Variants in SPAG16 observed in about 807,000 individuals in gnomAD.
SPAG16 encodes the protein sperm associated antigen 16, also known as sperm-associated antigen 16 protein.
A neutral mutation model predicts 80.4 loss-of-function variants in SPAG16; 86 were observed. That is an observed-to-expected ratio of 1.07 (90% confidence interval 0.90 to 1.28). The LOEUF (loss-of-function observed/expected upper bound fraction) is 1.28. Ranked by LOEUF, SPAG16 falls within the 50% of genes most tolerant of loss-of-function variation. The pLI, the probability that SPAG16 is intolerant of heterozygous loss-of-function variation, is 0.00. For missense variants in SPAG16, 870 were observed against 765.3 expected, an observed-to-expected ratio of 1.14 and a Z score of -1.61; for synonymous variants, 294 against 265.9, an observed-to-expected ratio of 1.11 and a Z score of -1.03.
intron 11 of SPAG16, among the ~76,000 whole-genome samples, chr2:213,896,872 A>G (rs898941487): frequency 7.2e-5 from 11 of 152,008 alleles, no homozygotes; most frequent in African/African-American, 1.2e-4. Flanking sequence ...AGTGAATCTC[A>G]TAATTAAAGG....
At chr2:214,168,083 G>A (rs578184883) in intron 15 of SPAG16, among the ~76,000 whole-genome samples, 1 of 147,842 alleles carries the variant, frequency 6.8e-6, no homozygotes, top group East Asian at 2.0e-4. Flanking sequence ...TCCGTCTCCC[G>A]AGGTCAAAGG....
At chr2:213,826,507 A>T (rs1445253024) in intron 10 of SPAG16, among the ~76,000 whole-genome samples, 1 of 151,970 alleles carries the variant, frequency 6.6e-6, no homozygotes, top group East Asian at 1.9e-4. Flanking sequence ...CCCACTGATC[A>T]TTCAGGAGCA....
rs60352388 is a variant in SPAG16 at position 214,272,714 on chromosome 2, C to T, written c.1720+123448C>T. Among the ~76,000 whole-genome samples, 1,475 of 152,224 alleles carry T rather than the reference C, an allele frequency of 9.7e-3. 24 individuals are homozygous for T. The highest frequency in any genetic ancestry group is 0.033 in the African/African-American group (1,377 of 41,510). ...CACTGATGGATAGTTGGGTTGGTTC[C>T]AAGTCTTTGCTATCGTGAATAGTGC... is the stretch of plus-strand genomic sequence containing the variant. On this transcript the variant is annotated intron_variant, in intron 15 of 15. Coordinates refer to ENST00000331683, the MANE Select transcript of SPAG16 (RefSeq NM_024532.5).
intron 10 of SPAG16, among the ~76,000 whole-genome samples, chr2:213,612,417 T>G (rs2061466569): frequency 6.6e-6 from 1 of 152,218 alleles, no homozygotes; most frequent in Non-Finnish European, 1.5e-5. Flanking sequence ...ATATTTCTCT[T>G]GAGCCAAGAC....
intron 13 of SPAG16, among the ~76,000 whole-genome samples, chr2:214,045,799 A>T (rs756352880): frequency 2.7e-4 from 41 of 152,210 alleles, no homozygotes; most frequent in Admixed American, 2.4e-3. Context: ...GTTCTTAAAG[A>T]ATTAGAAAAG....
At chr2:213,755,690 CAG>C (rs1258603852) in intron 10 of SPAG16, among the ~76,000 whole-genome samples, 5 of 151,974 alleles carry the variant, frequency 3.3e-5, no homozygotes, top group Non-Finnish European at 5.9e-5. Flanking sequence ...AAAAAGCAAA[CAG>C]AAATTTCAAG....
intron 13 of SPAG16, among the ~76,000 whole-genome samples, chr2:214,103,211 G>A (rs72937967): frequency 0.15 from 22,242 of 152,054 alleles, 1,765 homozygotes; most frequent in Admixed American, 0.18. Context: ...GTTCACAAGC[G>A]TGGACCATCA....
chr2:213,317,243 G>GA lies in SPAG16; in HGVS notation c.424dup (p.Thr142AsnfsTer2). Reference sequence around the variant, plus strand: ...GGTATGAGTTAATACAGAAAGGAGTGACTGAACTTAGAACTGTTGGGAATG... The same window carrying GA: ...GGTATGAGTTAATACAGAAAGGAGTGAACTGAACTTAGAACTGTTGGGAATG... On this transcript the variant is annotated frameshift_variant, in exon 5 of 16. Coordinates refer to ENST00000331683, the MANE Select transcript of SPAG16 (RefSeq NM_024532.5). LOFTEE classifies it high-confidence loss of function. The GA allele has an allele frequency of 6.2e-7, 1 of 1,603,090 alleles. No individual in the cohort carries two copies. Among genetic ancestry groups the GA allele is most frequent in the Non-Finnish European group, 8.5e-7 (1 of 1,174,164 alleles).
chr2:214,376,648 C>G, intron 15 of SPAG16, among the ~76,000 whole-genome samples: 1 of 152,156 alleles, frequency 6.6e-6, no homozygotes, highest in East Asian at 1.9e-4. Context: ...CCTAACCAAG[C>G]ATTTAGGGTG....
chr2:213,632,104 A>G (rs928442377), intron 10 of SPAG16, among the ~76,000 whole-genome samples: 6 of 152,064 alleles, frequency 3.9e-5, no homozygotes, highest in Admixed American at 6.5e-5. Context: ...TGATTCTTCT[A>G]ATCTATCAAC....
intron 10 of SPAG16, among the ~76,000 whole-genome samples, chr2:213,716,229 A>C (rs1238150420): frequency 6.6e-6 from 1 of 152,170 alleles, no homozygotes; most frequent in Non-Finnish European, 1.5e-5. Context: ...ATTTGCTGCA[A>C]AACTCTACTC....
intron 15 of SPAG16, among the ~76,000 whole-genome samples, chr2:214,283,966 A>G (rs2125918055): frequency 6.6e-6 from 1 of 152,326 alleles, no homozygotes; most frequent in East Asian, 1.9e-4. Flanking sequence ...AGCACAATGG[A>G]AGCATTCATT....
intron 15 of SPAG16, chr2:214,311,795 A>ATGTT (rs1209022931): frequency 6.6e-6 from 1 of 152,130 alleles, no homozygotes; most frequent in African/African-American, 2.4e-5. Flanking sequence ...TACTTTCTAA[A>ATGTT]TGTTTCCCTT....
intron 15 of SPAG16, among the ~76,000 whole-genome samples, chr2:214,208,791 A>G (rs945489307): frequency 1.3e-5 from 2 of 152,298 alleles, no homozygotes; most frequent in East Asian, 3.9e-4. Context: ...TATATAACAT[A>G]GACAGGGCAC....
intron 12 of SPAG16, among the ~76,000 whole-genome samples, chr2:214,005,594 C>T (rs1396673915): frequency 1.3e-5 from 2 of 152,150 alleles, no homozygotes; most frequent in East Asian, 3.8e-4. Flanking sequence ...GAGCTTGCGG[C>T]AGACTCCATG....
chr2:214,056,149 T>C (rs2049929628), intron 13 of SPAG16, among the ~76,000 whole-genome samples: 1 of 152,136 alleles, frequency 6.6e-6, no homozygotes, highest in South Asian at 2.1e-4. Flanking sequence ...GTGTGTAATT[T>C]GTCTTCTAAT....
At chr2:214,337,457 T>C (rs1697379074) in intron 15 of SPAG16, among the ~76,000 whole-genome samples, 1 of 152,224 alleles carries the variant, frequency 6.6e-6, no homozygotes, top group Non-Finnish European at 1.5e-5. Flanking sequence ...TGTTTCTGAA[T>C]CACAGCTGCA....
chr2:213,584,590 G>A (rs1049838234), intron 10 of SPAG16, among the ~76,000 whole-genome samples: 1 of 151,196 alleles, frequency 6.6e-6, no homozygotes, highest in South Asian at 2.1e-4. Flanking sequence ...AAGAAATAAA[G>A]GAAAGGAAAA....
intron 10 of SPAG16, among the ~76,000 whole-genome samples, chr2:213,564,494 TAAAA>T (rs77022819): frequency 1.6e-5 from 2 of 121,368 alleles, no homozygotes; most frequent in Admixed American, 8.6e-5. Context: ...GACTCTGTCT[TAAAA>T]AAAAAAAAAA....
Sources: allele counts gnomAD v4.1 joint callset (sites outside exome capture counted in the v4.1 genomes callset), GRCh38; gene constraint gnomAD v4.1.1; transcripts MANE v1.5; gene names NCBI Gene and HGNC (gene_info 2026-07-23, HGNC 2026-07-21).